FOXJ2: variants seen among roughly 807,000 people sequenced by gnomAD.
The protein encoded by FOXJ2 is forkhead box protein J2.
A neutral mutation model predicts 68.4 loss-of-function variants in FOXJ2; 18 were observed. The ratio of observed to expected loss-of-function variants is 0.26; its 90% confidence interval spans 0.18 to 0.39. The LOEUF is 0.39. FOXJ2 is among the 10% of genes least tolerant of loss of function. The pLI is 1.00. For synonymous variants in FOXJ2, 274 were observed against 263.2 expected (o/e 1.04, Z -0.40); for missense variants, 670 against 726.5 (o/e 0.92, Z 0.89).
chr12:8,034,475 A>G (rs748987290), intron 1 of FOXJ2, among the ~76,000 whole-genome samples: 4 of 152,164 alleles, frequency 2.6e-5, no homozygotes, highest in Non-Finnish European at 4.4e-5. Context: ...GGAATCCCAC[A>G]TGTTCTGAGG....
At chr12:8,051,979 G>A (rs722458) in intron 10 of FOXJ2, among the ~76,000 whole-genome samples, 43,326 of 151,170 alleles carry the variant, frequency 0.29, 6,943 homozygotes, top group Middle Eastern at 0.42. Context: ...AGTGATTCTC[G>A]AGCCTCAGCC....
In FOXJ2 at chr12:8,043,733, C is replaced by T; in HGVS notation, c.441C>T (p.Asp147=). The T allele has an allele frequency of 6.2e-7, 1 of 1,614,212 alleles. No individual in the cohort carries two copies. Among genetic ancestry groups the T allele is most frequent in the Non-Finnish European group, 8.5e-7 (1 of 1,180,036 alleles). The change falls in exon 4 of 11, where the codon GAC becomes GAT. Residue 147 remains aspartate, a synonymous_variant. Transcript: ENST00000162391. ...ATTGGACAATTGACACCTGCCCTGACATTTCCCGAAAGAGAAGACACCCTC... is the reference window on the plus strand; with the variant it reads ...ATTGGACAATTGACACCTGCCCTGATATTTCCCGAAAGAGAAGACACCCTC... The part of the protein sequence containing the change: ...GSYWTIDTCP[D]ISRKRRHPPD...
At position 8,044,970 on chromosome 12, in the gene FOXJ2, G is replaced by A; in HGVS notation, c.817+12G>A. 1 of 1,613,548 alleles carries A rather than the reference G, an allele frequency of 6.2e-7. No individual in the cohort carries two copies. On this transcript the variant is annotated intron_variant, in intron 6 of 10. Coordinates refer to ENST00000162391, the MANE Select transcript of FOXJ2 (RefSeq NM_018416.3). ...CTCCTCTCAGCACGGTGAGTCTGGAGTTGGGATGGGTGCAGGGAGACTTTT... is the reference window on the plus strand; with the variant it reads ...CTCCTCTCAGCACGGTGAGTCTGGAATTGGGATGGGTGCAGGGAGACTTTT...
In FOXJ2 at chr12:8,038,638, C is replaced by A. The variant is rs983659710; in HGVS notation, c.-14-1181C>A. 2.0e-5 allele frequency among the ~76,000 whole-genome samples: 3 copies of A among 152,124 alleles called. No homozygotes were observed. Among genetic ancestry groups the A allele is most frequent in the Admixed American group, 2.0e-4 (3 of 15,286 alleles). On this transcript the variant is annotated intron_variant, in intron 1 of 10. Transcript: ENST00000162391. The surrounding 1 kb of genome is among the most constrained non-coding windows in gnomAD (Gnocchi z 5.3). The stretch of plus-strand genomic sequence containing the variant: ...CTCTAGGGGAGTGCCAAATGGCTAC[C>A]TAGGGGTTCCTGCCAGCCTTTCTAG...
rs910971335 is a variant in FOXJ2, at chr12:8,035,782, C to G, written c.-15+1949C>G. Among the ~76,000 whole-genome samples the G allele has an allele frequency of 6.6e-6, 1 of 152,116 alleles. No individual in the cohort carries two copies. The highest frequency in any genetic ancestry group is 2.4e-5 in the African/African-American group (1 of 41,404). On this transcript the variant is annotated intron_variant, in intron 1 of 10. Coordinates refer to ENST00000162391, the MANE Select transcript of FOXJ2 (RefSeq NM_018416.3). The surrounding 1 kb of genome is among the most constrained non-coding windows in gnomAD (Gnocchi z 4.0). ...AACTGTGGTTTAGAGAGTGTGCTTT[C>G]CCAGACCATGTCTTATGACTACACC...
rs143592450 is a variant in FOXJ2 at position 8,049,515 on chromosome 12, G to A, written c.1481G>A (p.Arg494His). 2.7e-5 allele frequency: 43 copies of A among 1,613,726 alleles called. No individual in the cohort carries two copies. The African/African-American group carries it at 3.6e-4, about 14-fold the overall frequency. The change falls in exon 9 of 11, where the codon CGT becomes CAT. Residue 494 changes from arginine (R) to histidine (H), a missense_variant. Physicochemically the swap from Arg to His is conservative, Grantham distance 29. Transcript: ENST00000162391. The stretch of plus-strand genomic sequence containing the variant: ...ACCCACCGCCCACCAGCCCCTGCCC[G>A]TATTGCTGACTCCTGTGCCCTCACC... ...GGTHRPPAPARIADSCALTSG... is the reference protein window; with the variant it reads ...GGTHRPPAPAHIADSCALTSG...
At chr12:8,041,661 C>G (rs887925257) in intron 2 of FOXJ2, among the ~76,000 whole-genome samples, 14 of 152,134 alleles carry the variant, frequency 9.2e-5, no homozygotes, top group Admixed American at 3.9e-4. Flanking sequence ...CAGGCATACA[C>G]CACCATGCAC....
intron 5 of FOXJ2, 66 bp from the exon 6 acceptor site, chr12:8,044,694 C>T (rs1565629168): frequency 6.4e-7 from 1 of 1,554,444 alleles, no homozygotes; most frequent in Non-Finnish European, 8.8e-7. Context: ...GCCTGGTGAC[C>T]ATTGAAGGGT....
At chr12:8,039,382 G>A (rs991825605) in intron 1 of FOXJ2, among the ~76,000 whole-genome samples, 7 of 152,100 alleles carry the variant, frequency 4.6e-5, no homozygotes, top group South Asian at 4.1e-4. Flanking sequence ...ATGTACGTTC[G>A]TGCCGTCTAT....
In FOXJ2 at chr12:8,053,900, T is replaced by C. The variant is rs745577130; in HGVS notation, c.*1050T>C. 3.9e-5 allele frequency: 6 copies of C among 152,200 alleles called. No homozygotes were observed. Among genetic ancestry groups the C allele is most frequent in the Non-Finnish European group, 8.8e-5 (6 of 68,046 alleles). The allele number at this position is 152,200 out of a possible 1,614,324, so 9.4% of individuals were successfully genotyped here. On this transcript the variant is annotated 3_prime_UTR_variant, in exon 11 of 11. Coordinates refer to ENST00000162391, the MANE Select transcript of FOXJ2 (RefSeq NM_018416.3). The surrounding 1 kb of genome is among the most constrained non-coding windows in gnomAD (Gnocchi z 4.1). ...TTTCTTCCCTCATTTTCTGGGATTC[T>C]CAAGAAAGAAAAAGTAACCCATTAT...
intron 6 of FOXJ2, among the ~76,000 whole-genome samples, chr12:8,045,171 G>A (rs371039699): frequency 1.7e-4 from 26 of 151,516 alleles, no homozygotes; most frequent in Middle Eastern, 3.4e-3. Flanking sequence ...AACTTCTCGA[G>A]TATCTGGGAG....
chr12:8,046,652 C>T (rs1242873610), intron 6 of FOXJ2, among the ~76,000 whole-genome samples: 1 of 152,110 alleles, frequency 6.6e-6, no homozygotes, highest in African/African-American at 2.4e-5. Flanking sequence ...CTGGTTCGGC[C>T]CTCTGCAATA....
intron 10 of FOXJ2, among the ~76,000 whole-genome samples, chr12:8,051,107 CTTCCCTTCCCTTCCCTT>C (rs1373243347): frequency 2.9e-5 from 2 of 68,856 alleles, no homozygotes; most frequent in Admixed American, 2.5e-4. Flanking sequence ...TCCCCTTCCC[CTTCCCTTCCCTTCCCTT>C]TCCCTTCCCC....
intron 6 of FOXJ2, among the ~76,000 whole-genome samples, chr12:8,046,400 T>G (rs185111543): frequency 1.3e-5 from 2 of 152,334 alleles, no homozygotes; most frequent in African/African-American, 4.8e-5. Flanking sequence ...CCACTGAGCC[T>G]TCTAAAAATT....
Position 8,040,229 on chromosome 12 carries a change from T to A in FOXJ2, c.333+64T>A. On this transcript the variant is annotated intron_variant, in intron 2 of 10. Transcript: ENST00000162391. The surrounding 1 kb of genome is among the most constrained non-coding windows in gnomAD (Gnocchi z 4.0). ...TCAACAGCCTTTTTAGAGAAAAAGG[T>A]TTTGTTTCTTCTTGTAACCTGTTCA... 6.7e-7 allele frequency: 1 copy of A among 1,503,152 alleles called. No homozygotes were observed. Among genetic ancestry groups the A allele is most frequent in the Non-Finnish European group, 9.1e-7 (1 of 1,101,036 alleles). The allele number at this position is 1,503,152 out of a possible 1,614,324, so 93.1% of individuals were successfully genotyped here.
At chr12:8,041,700 A>T (rs1177538090) in intron 2 of FOXJ2, among the ~76,000 whole-genome samples, 6 of 151,570 alleles carry the variant, frequency 4.0e-5, no homozygotes, top group Admixed American at 3.9e-4. Flanking sequence ...TGTAGAAATG[A>T]GGTCTCACTG....
chr12:8,033,025 A>G lies in FOXJ2; in HGVS notation c.-823A>G. ...GGAGGCGGGAGCGGGGACGCGAGCAACCTCTCCCCCTGTTGGAGAGAAAAG... is the reference window on the plus strand; with the variant it reads ...GGAGGCGGGAGCGGGGACGCGAGCAGCCTCTCCCCCTGTTGGAGAGAAAAG... On this transcript the variant is annotated 5_prime_UTR_variant, in exon 1 of 11. Transcript: ENST00000162391. 1 of 395,796 alleles carries G rather than the reference A, an allele frequency of 2.5e-6. No individual in the cohort carries two copies. 24.5% of individuals were successfully genotyped at this position (395,796 alleles called of 1,614,324 possible).
Position 8,048,771 on chromosome 12 carries a change from T to G in FOXJ2, c.1300T>G (p.Ser434Ala), listed in dbSNP as rs1234564418. The change falls in exon 8 of 11, where the codon TCC becomes GCC. Residue 434 changes from serine to alanine, a missense_variant. Transcript: ENST00000162391. ...CAAGATGGTGAATCGGCTCAATTGG[T>G]CCAGCATTGAGCAGTCACAATTCTC... ...SFKMVNRLNWSSIEQSQFSEL... is the reference protein window; with the variant it reads ...SFKMVNRLNWASIEQSQFSEL... 1.2e-6 allele frequency: 2 copies of G among 1,613,894 alleles called. No individual in the cohort carries two copies. The highest frequency in any genetic ancestry group is 1.7e-5 in the Admixed American group (1 of 60,000).
chr12:8,048,589 C>T (rs1185862825), intron 7 of FOXJ2, 108 bp from the exon 8 acceptor site: 2 of 1,238,708 alleles, frequency 1.6e-6, no homozygotes, highest in Non-Finnish European at 2.3e-6. Flanking sequence ...AATGCAACTG[C>T]TAATCTGTAT....
Sources: gnomAD v4.1 joint callset for allele counts (sites outside exome capture counted in the v4.1 genomes callset) on GRCh38, gnomAD v4.1.1 for gene constraint, Gnocchi (gnomAD v3.1) non-coding constraint, MANE v1.5 for transcripts, NCBI Gene and HGNC (gene_info 2026-07-23, HGNC 2026-07-21) for gene names.